MYH10: variants seen among roughly 807,000 people sequenced by gnomAD.
The protein encoded by MYH10 is myosin-10.
In MYH10, 55 loss-of-function variants were observed where a neutral mutation model predicts 257.8. The ratio of observed to expected loss-of-function variants is 0.21; its 90% CI spans 0.17 to 0.27. MYH10 has a LOEUF of 0.27. Ranked by LOEUF, MYH10 falls within the 10% of genes least tolerant of loss-of-function variation. The pLI, the probability that MYH10 is intolerant of heterozygous loss-of-function variation, is 1.00. For synonymous variants in MYH10, 854 were observed against 921.7 expected (o/e 0.93, Z 1.33); for missense variants, 1,631 against 2,500.6 (o/e 0.65, Z 7.42).
chr17:8,566,059 A>G (rs2083157996), intron 7 of MYH10, among the ~76,000 whole-genome samples: 1 of 152,180 alleles, frequency 6.6e-6, no homozygotes, highest in African/African-American at 2.4e-5. Flanking sequence ...GATGGTATTT[A>G]GCAGCATCCT....
chr17:8,520,369 G>A (rs1417321006), intron 19 of MYH10, among the ~76,000 whole-genome samples: 2 of 152,160 alleles, frequency 1.3e-5, no homozygotes, highest in African/African-American at 2.4e-5. Flanking sequence ...GGTGGCACGT[G>A]CCTGTAGTCC....
chr17:8,586,654 A>G (rs896073544), intron 4 of MYH10, among the ~76,000 whole-genome samples: 2 of 152,216 alleles, frequency 1.3e-5, no homozygotes, highest in Admixed American at 1.3e-4. Context: ...AAGTCTATTA[A>G]TTGGTGACAA....
At chr17:8,607,316 T>C (rs1190760241) in intron 2 of MYH10, among the ~76,000 whole-genome samples, 2 of 152,222 alleles carry the variant, frequency 1.3e-5, no homozygotes, top group Admixed American at 6.5e-5. Flanking sequence ...ATAGCACGTA[T>C]GGCATGGTAA....
At chr17:8,526,764 A>G (rs999235612) in intron 17 of MYH10, among the ~76,000 whole-genome samples, 1 of 152,244 alleles carries the variant, frequency 6.6e-6, no homozygotes, top group African/African-American at 2.4e-5. Flanking sequence ...AGACGGGGCC[A>G]TAAGATTTTT....
At chr17:8,489,741 A>ACACACACACACACG (rs1567784486) in intron 35 of MYH10, among the ~76,000 whole-genome samples, 2 of 148,880 alleles carry the variant, frequency 1.3e-5, no homozygotes, top group African/African-American at 4.9e-5. Context: ...ACACACACAC[A>ACACACACACACACG]CACACCCCAA....
chr17:8,552,090 T>A lies in MYH10; in HGVS notation c.875A>T (p.His292Leu). Residue 292 changes from histidine to leucine, a missense_variant, in exon 9 of 43, where the codon CAT becomes CTT. Physicochemically the swap from His to Leu is moderately conservative, Grantham distance 99. Around this residue, in one of 11 missense-constraint regions of MYH10, gnomAD observed 360 missense variants for 581.9 expected, o/e 0.62. Coordinates refer to ENST00000360416, the MANE Select transcript of MYH10 (RefSeq NM_001256012.3). This position sits in a 1 kb window ranked among gnomAD's most constrained non-coding sequence, Gnocchi z 4.8. ...VRQAKDERTFHIFYQLLSGAG... is the reference protein window; with the variant it reads ...VRQAKDERTFLIFYQLLSGAG... ...TCCAGATAACAACTGGTAAAAGATATGAAAAGTACGTTCATCTTTTGCTTG... is the reference window on the plus strand; with the variant it reads ...TCCAGATAACAACTGGTAAAAGATAAGAAAAGTACGTTCATCTTTTGCTTG... 6.4e-7 allele frequency: 1 copy of A among 1,564,626 alleles called. No homozygotes were observed. The highest frequency in any genetic ancestry group is 8.7e-7 in the Non-Finnish European group (1 of 1,151,094).
chr17:8,586,544 T>G (rs187209041), intron 4 of MYH10, among the ~76,000 whole-genome samples: 18 of 152,208 alleles, frequency 1.2e-4, no homozygotes, highest in Admixed American at 2.0e-4. Flanking sequence ...AAAAGCAATT[T>G]AAAAAAGAAT....
rs754779490 is a variant in MYH10, at chr17:8,535,875, G to A, written c.1662C>T (p.Ala554=). 1 of 1,614,004 alleles carries A rather than the reference G, an allele frequency of 6.2e-7. No individual in the cohort carries two copies. Among genetic ancestry groups the A allele is most frequent in the Non-Finnish European group, 8.5e-7 (1 of 1,180,032 alleles). ...GTTTTTCAACAAAGGTTTTATCTGT[G>A]GCTTTAGGGAACCAGCATTCTTCAT... ...LLDEECWFPK[A]TDKTFVEKLV... The change falls in exon 15 of 43, where the codon GCC becomes GCT. Residue 554 remains alanine, a synonymous_variant. Transcript: ENST00000360416. The surrounding 1 kb of genome is among the most constrained non-coding windows in gnomAD (Gnocchi z 4.3).
intron 7 of MYH10, among the ~76,000 whole-genome samples, chr17:8,562,915 T>C (rs1011828026): frequency 6.6e-6 from 1 of 152,228 alleles, no homozygotes; most frequent in African/African-American, 2.4e-5. Flanking sequence ...TTGTTCTGAA[T>C]TGACATCGAT....
chr17:8,499,429 G>A lies in MYH10; in HGVS notation c.3792C>T (p.Asn1264=). 1 of 1,614,108 alleles carries A rather than the reference G, an allele frequency of 6.2e-7. No homozygotes were observed. The highest frequency in any genetic ancestry group is 8.5e-7 in the Non-Finnish European group (1 of 1,180,018). Residue 1264 remains asparagine (N), a synonymous_variant, in exon 30 of 43, where the codon AAC becomes AAT. Coordinates refer to ENST00000360416, the MANE Select transcript of MYH10 (RefSeq NM_001256012.3). ...CCTTCACCTCACACGCCAGCTCCTT[G>A]TTATCTGTCTCCAGGCCCTGCTTGT... ...EKNKQGLETD[N]KELACEVKVL...
chr17:8,606,195 T>TTA (rs2084796212), intron 2 of MYH10, among the ~76,000 whole-genome samples: 1 of 134,864 alleles, frequency 7.4e-6, no homozygotes. Context: ...ATCAATACTA[T>TTA]CAATTACACA....
chr17:8,493,987 T>C, intron 31 of MYH10, 102 bp from the exon 32 acceptor site: 1 of 1,305,108 alleles, frequency 7.7e-7, no homozygotes, highest in Non-Finnish European at 1.0e-6. Flanking sequence ...ACAGCCTCAA[T>C]GCATGAGAAC....
intron 3 of MYH10, among the ~76,000 whole-genome samples, chr17:8,600,866 TG>T (rs1012243055): frequency 6.6e-6 from 1 of 151,908 alleles, no homozygotes; most frequent in African/African-American, 2.4e-5. Flanking sequence ...ACCCCGTATG[TG>T]GGGGAAAGCC....
In MYH10 at chr17:8,492,507, C is replaced by T. The variant is rs1185531227; in HGVS notation, c.4461G>A (p.Leu1487=). The T allele has an allele frequency of 1.9e-6, 3 of 1,610,352 alleles. No individual in the cohort carries two copies. The highest frequency in any genetic ancestry group is 2.2e-5 in the East Asian group (1 of 44,836). ...LEKKQKKFDQ[L]LAEEKSISAR... ...CAGAGATGCTCTTCTCTTCTGCTAA[C>T]AGCTGTGCAGAAGGGGATGGGGGAA... is the stretch of plus-strand genomic sequence containing the variant. The change falls in exon 34 of 43, where the codon CTG becomes CTA. Residue 1487 remains leucine, a splice_region_variant and synonymous_variant. Transcript: ENST00000360416.
intron 2 of MYH10, among the ~76,000 whole-genome samples, chr17:8,606,497 C>T (rs2152078313): frequency 6.6e-6 from 1 of 152,166 alleles, no homozygotes; most frequent in East Asian, 1.9e-4. Context: ...CCCCAGGGAA[C>T]ACTAAGGGGG....
At chr17:8,551,059 A>G (rs889584851) in intron 9 of MYH10, among the ~76,000 whole-genome samples, 2 of 151,112 alleles carry the variant, frequency 1.3e-5, no homozygotes, top group African/African-American at 2.4e-5. Context: ...TCACTTGTTT[A>G]TCTGCTGACC....
chr17:8,543,735 G>A (rs1459133599), intron 13 of MYH10, among the ~76,000 whole-genome samples: 5 of 152,192 alleles, frequency 3.3e-5, no homozygotes, highest in Non-Finnish European at 4.4e-5. Flanking sequence ...GCCTCCCAAA[G>A]TGCTGGGATT....
intron 21 of MYH10, among the ~76,000 whole-genome samples, chr17:8,518,378 C>T (rs2081542797): frequency 6.6e-6 from 1 of 152,142 alleles, no homozygotes; most frequent in South Asian, 2.1e-4. Flanking sequence ...AAGTGATCTG[C>T]CCACTTCAGC....
intron 3 of MYH10, among the ~76,000 whole-genome samples, chr17:8,603,964 T>C (rs2084703352): frequency 6.6e-6 from 1 of 152,162 alleles, no homozygotes; most frequent in South Asian, 2.1e-4. Context: ...ACGTGGGTAT[T>C]GTACTTTATT....
Sources: allele counts gnomAD v4.1 joint callset (sites outside exome capture counted in the v4.1 genomes callset), GRCh38; gene constraint gnomAD v4.1.1; regional missense constraint gnomAD v4.1.1; non-coding constraint Gnocchi (gnomAD v3.1); transcripts MANE v1.5; gene names NCBI Gene and HGNC (gene_info 2026-07-23, HGNC 2026-07-21).